Variants in CNTN5 observed in about 807,000 individuals in gnomAD.
CNTN5 encodes contactin-5.
A neutral mutation model predicts 129.1 loss-of-function variants in CNTN5; 77 were observed. The observed-to-expected ratio is 0.60, with a 90% CI of 0.50 to 0.72. The LOEUF (loss-of-function observed/expected upper bound fraction) is 0.72, where lower values mean the gene tolerates loss of function less well. Ranked by LOEUF, CNTN5 falls within the 30% of genes least tolerant of loss-of-function variation. The probability of loss-of-function intolerance (pLI) is 0.00; values close to 1 mark genes in which losing one functional copy is unlikely to be tolerated. For synonymous variants in CNTN5, 509 were observed against 465.6 expected, an observed-to-expected ratio of 1.09 and a Z score of -1.20; for missense variants, 1,478 against 1,328.8, an observed-to-expected ratio of 1.11 and a Z score of -1.75.
chr11:100,039,131 G>A (rs1187672068), intron 9 of CNTN5, among the ~76,000 whole-genome samples: 1 of 152,102 alleles, frequency 6.6e-6, no homozygotes. Flanking sequence ...CATGTTTAGT[G>A]CTTCCTTCAG....
chr11:99,702,110 T>C (rs889708216), intron 3 of CNTN5, among the ~76,000 whole-genome samples: 3 of 151,152 alleles, frequency 2.0e-5, no homozygotes, highest in Admixed American at 6.6e-5. Context: ...AGACAAAAGC[T>C]CACAAAAACT....
At chr11:99,444,364 C>A (rs1269260857) in intron 2 of CNTN5, among the ~76,000 whole-genome samples, 1 of 152,162 alleles carries the variant, frequency 6.6e-6, no homozygotes, top group Non-Finnish European at 1.5e-5. Flanking sequence ...ACACAGGCTT[C>A]TGTGACATTG....
At chr11:99,167,718 T>C (rs67153671) in intron 1 of CNTN5, among the ~76,000 whole-genome samples, 36,645 of 151,948 alleles carry the variant, frequency 0.24, 4,543 homozygotes, top group Middle Eastern at 0.27. Flanking sequence ...CATTCTATAA[T>C]TAATATAAGG....
At chr11:100,040,243 C>G (rs1591109640) in intron 9 of CNTN5, among the ~76,000 whole-genome samples, 1 of 152,182 alleles carries the variant, frequency 6.6e-6, no homozygotes, top group East Asian at 1.9e-4. Flanking sequence ...ACTCCAGACC[C>G]TGTTTGCCTG....
rs1186403317 is a variant in CNTN5 at position 99,844,919 on chromosome 11, T to A, written c.345T>A (p.Asp115Glu). The stretch of plus-strand genomic sequence containing the variant: ...ATATTATTTTTCCAACTGATTCTGA[T>A]GAAAAGAAGGTAGCATTGAATTGTG... ...PDDIIFPTDSDEKKVALNCEV... is the reference protein window; with the variant it reads ...PDDIIFPTDSEEKKVALNCEV... Residue 115 changes from aspartate to glutamate, a missense_variant, in exon 5 of 25, where the codon GAT becomes GAA. Transcript: ENST00000524871. The A allele has an allele frequency of 2.5e-6, 4 of 1,613,734 alleles. No individual in the cohort carries two copies. Among genetic ancestry groups the A allele is most frequent in the African/African-American group, 2.7e-5 (2 of 74,944 alleles).
chr11:99,368,381 C>T (rs1457719311), intron 2 of CNTN5, among the ~76,000 whole-genome samples: 1 of 151,882 alleles, frequency 6.6e-6, no homozygotes, highest in Middle Eastern at 3.4e-3. Context: ...GTGGTGCTCA[C>T]CTGTAATACC....
chr11:99,602,516 T>C (rs1300272890), intron 3 of CNTN5, among the ~76,000 whole-genome samples: 2 of 152,044 alleles, frequency 1.3e-5, no homozygotes, highest in Non-Finnish European at 2.9e-5. Flanking sequence ...GCTACTTCAA[T>C]TGAGAGCACT....
intron 3 of CNTN5, among the ~76,000 whole-genome samples, chr11:99,796,639 A>T (rs1945951158): frequency 6.6e-6 from 1 of 151,472 alleles, no homozygotes. Flanking sequence ...TGAGGCCAGC[A>T]GACAGGGGGC....
chr11:99,644,857 T>C (rs978398959), intron 3 of CNTN5, among the ~76,000 whole-genome samples: 1 of 152,108 alleles, frequency 6.6e-6, no homozygotes, highest in Non-Finnish European at 1.5e-5. Flanking sequence ...CATTTTCTTT[T>C]AACAATAAAT....
At chr11:99,892,131 C>T (rs10736578) in intron 6 of CNTN5, among the ~76,000 whole-genome samples, 125,923 of 152,016 alleles carry the variant, frequency 0.83, 52,730 homozygotes, top group Non-Finnish European at 0.88. Flanking sequence ...CTTCTCTTGA[C>T]AAGTATCTGT....
At chr11:99,982,147 A>G (rs995836180) in intron 8 of CNTN5, among the ~76,000 whole-genome samples, 21 of 152,228 alleles carry the variant, frequency 1.4e-4, no homozygotes, top group African/African-American at 4.3e-4. Context: ...GTGAATGACT[A>G]ATGAACTTCA....
intron 6 of CNTN5, among the ~76,000 whole-genome samples, chr11:99,863,080 C>T (rs1482914155): frequency 6.6e-6 from 1 of 151,962 alleles, no homozygotes; most frequent in Non-Finnish European, 1.5e-5. Context: ...CAAGCAAAAA[C>T]TGAGGATTAG....
intron 2 of CNTN5, among the ~76,000 whole-genome samples, chr11:99,442,378 C>A (rs1943870408): frequency 6.6e-6 from 1 of 152,122 alleles, no homozygotes; most frequent in African/African-American, 2.4e-5. Context: ...CCACATTGGC[C>A]AGGCTGGTCT....
intron 1 of CNTN5, among the ~76,000 whole-genome samples, chr11:99,032,086 G>T (rs1227920694): frequency 2.0e-5 from 3 of 151,910 alleles, no homozygotes; most frequent in Non-Finnish European, 4.4e-5. Context: ...TCCCTAAAAA[G>T]GACATGAACT....
chr11:99,136,835 G>T (rs986846071), intron 1 of CNTN5, among the ~76,000 whole-genome samples: 3 of 151,836 alleles, frequency 2.0e-5, no homozygotes, highest in Non-Finnish European at 4.4e-5. Flanking sequence ...GATGAATTTT[G>T]GCAGACACCA....
intron 3 of CNTN5, among the ~76,000 whole-genome samples, chr11:99,586,719 A>G (rs111234082): frequency 2.0e-5 from 3 of 152,322 alleles, no homozygotes; most frequent in African/African-American, 7.2e-5. Flanking sequence ...TCTCTATGTA[A>G]TATATGTTCA....
chr11:99,987,129 C>T (rs776487072), intron 8 of CNTN5, among the ~76,000 whole-genome samples: 56 of 152,126 alleles, frequency 3.7e-4, no homozygotes, highest in Non-Finnish European at 6.9e-4. Context: ...TTCCCTAGCT[C>T]CTATGCCACC....
intron 1 of CNTN5, among the ~76,000 whole-genome samples, chr11:99,155,768 T>G (rs1860305368): frequency 6.6e-6 from 1 of 152,006 alleles, no homozygotes; most frequent in Non-Finnish European, 1.5e-5. Context: ...TAAAGAAATA[T>G]GTCAACTGAA....
intron 2 of CNTN5, among the ~76,000 whole-genome samples, chr11:99,383,120 G>A (rs535681016): frequency 1.3e-5 from 2 of 152,056 alleles, no homozygotes; most frequent in Admixed American, 6.5e-5. Flanking sequence ...CTCCCAAAGT[G>A]CTGGGATAAC....
Sources: allele counts gnomAD v4.1 joint callset (sites outside exome capture counted in the v4.1 genomes callset), GRCh38; gene constraint gnomAD v4.1.1; transcripts MANE v1.5; gene names NCBI Gene and HGNC (gene_info 2026-07-23, HGNC 2026-07-21).